Variants in EPHB2 observed in about 807,000 individuals in gnomAD.
EPHB2 encodes the protein EPH receptor B2.
Under a neutral mutation model 96.4 loss-of-function variants are expected in EPHB2, and 18 were observed. The ratio of observed to expected loss-of-function variants is 0.19; its 90% confidence interval spans 0.13 to 0.28. The LOEUF is 0.28. EPHB2 is among the 10% of genes least tolerant of loss of function. EPHB2 has a pLI of 1.00. For missense variants in EPHB2, 989 were observed against 1,355.4 expected, an observed-to-expected ratio of 0.73 and a Z score of 4.25; for synonymous variants, 506 against 534.1, an observed-to-expected ratio of 0.95 and a Z score of 0.72.
intron 13 of EPHB2, 66 bp from the exon 14 acceptor site, chr1:22,910,316 G>A: frequency 6.3e-7 from 1 of 1,599,284 alleles, no homozygotes; most frequent in Non-Finnish European, 8.6e-7. Context: ...GGTAAGATGG[G>A]CCTGGCAGAG....
intron 12 of EPHB2, 134 bp from the exon 13 acceptor site, chr1:22,908,888 T>G: frequency 7.2e-7 from 1 of 1,394,210 alleles, no homozygotes; most frequent in Non-Finnish European, 9.9e-7. Flanking sequence ...GGTCTGAAGC[T>G]GCATGGTAAG....
intron 1 of EPHB2, among the ~76,000 whole-genome samples, chr1:22,762,198 G>T (rs534493630): frequency 6.6e-6 from 1 of 152,182 alleles, no homozygotes; most frequent in Non-Finnish European, 1.5e-5. Context: ...GTCCCTGATG[G>T]CACCAGGGGC....
intron 1 of EPHB2, among the ~76,000 whole-genome samples, chr1:22,714,983 C>T (rs1213423836): frequency 1.3e-5 from 2 of 152,200 alleles, no homozygotes; most frequent in Admixed American, 6.5e-5. Flanking sequence ...ACTTGTTTGG[C>T]ATCTGCCTTG....
At chr1:22,730,725 C>T (rs927929618) in intron 1 of EPHB2, among the ~76,000 whole-genome samples, 15 of 151,506 alleles carry the variant, frequency 9.9e-5, no homozygotes, top group African/African-American at 3.4e-4. Flanking sequence ...GTGGCTGGAG[C>T]GGGAGGGCCA....
chr1:22,807,818 C>T (rs1421355476), intron 3 of EPHB2, among the ~76,000 whole-genome samples: 2 of 152,134 alleles, frequency 1.3e-5, no homozygotes, highest in African/African-American at 4.8e-5. Flanking sequence ...GTATTCTAGC[C>T]AAAGGCCAGG....
At chr1:22,851,148 C>G (rs907310228) in intron 3 of EPHB2, among the ~76,000 whole-genome samples, 1 of 152,146 alleles carries the variant, frequency 6.6e-6, no homozygotes, top group Non-Finnish European at 1.5e-5. Context: ...GCTTGTGCCA[C>G]CACGCCCAGC....
chr1:22,867,702 T>C (rs1570411697), intron 5 of EPHB2, among the ~76,000 whole-genome samples: 2 of 152,120 alleles, frequency 1.3e-5, no homozygotes, highest in East Asian at 3.9e-4. Context: ...TGAAACCCCA[T>C]CTCTACTAAA....
chr1:22,818,726 C>T (rs1645108137), intron 3 of EPHB2, among the ~76,000 whole-genome samples: 1 of 152,132 alleles, frequency 6.6e-6, no homozygotes, highest in Admixed American at 6.5e-5. Flanking sequence ...CCCTCCCCTG[C>T]ACCGTTCATC....
chr1:22,765,064 G>A (rs1335399599), intron 1 of EPHB2, among the ~76,000 whole-genome samples: 1 of 152,194 alleles, frequency 6.6e-6, no homozygotes, highest in Non-Finnish European at 1.5e-5. Context: ...AGCAGAGTGG[G>A]TGTCTGTCTG....
chr1:22,913,690 G>T lies in EPHB2; in HGVS notation c.*120G>T. On this transcript the variant is annotated 3_prime_UTR_variant, in exon 16 of 16. Transcript: ENST00000374630. The surrounding 1 kb of genome is among the most constrained non-coding windows in gnomAD (Gnocchi z 4.1). ...CACTCGCCAGGAGGCCACGGGCCAC[G>T]GGAAGAACCAAGCGGTGCCAGCCAC... 1 of 1,603,604 alleles carries T rather than the reference G, an allele frequency of 6.2e-7. No homozygotes were observed. Among genetic ancestry groups the T allele is most frequent in the East Asian group, 2.2e-5 (1 of 44,528 alleles).
chr1:22,833,317 A>C (rs1305776428), intron 3 of EPHB2, among the ~76,000 whole-genome samples: 1 of 151,914 alleles, frequency 6.6e-6, no homozygotes, highest in Non-Finnish European at 1.5e-5. Context: ...ACAGGGTTTC[A>C]CCATATTGGC....
chr1:22,760,542 C>T (rs1430882356), intron 1 of EPHB2, among the ~76,000 whole-genome samples: 1 of 152,216 alleles, frequency 6.6e-6, no homozygotes, highest in African/African-American at 2.4e-5. Context: ...AGCAGCTCTC[C>T]AACCTTCCCA....
At chr1:22,716,503 T>C (rs922892199) in intron 1 of EPHB2, among the ~76,000 whole-genome samples, 4 of 152,138 alleles carry the variant, frequency 2.6e-5, no homozygotes, top group African/African-American at 9.7e-5. Flanking sequence ...GGCTAATTTT[T>C]TTGCATTTTT....
chr1:22,900,353 T>C (rs759182687), intron 9 of EPHB2, among the ~76,000 whole-genome samples: 6 of 152,148 alleles, frequency 3.9e-5, no homozygotes, highest in Non-Finnish European at 7.4e-5. Context: ...CCCCAAGTAA[T>C]GAAATCGTGA....
chr1:22,905,012 G>A (rs1639864425), intron 9 of EPHB2, among the ~76,000 whole-genome samples: 1 of 152,332 alleles, frequency 6.6e-6, no homozygotes, highest in African/African-American at 2.4e-5. Context: ...TGCTGGAAGA[G>A]CCAGAGGAAA....
chr1:22,813,404 T>G (rs1425104024), intron 3 of EPHB2, among the ~76,000 whole-genome samples: 1 of 151,990 alleles, frequency 6.6e-6, no homozygotes, highest in Non-Finnish European at 1.5e-5. Flanking sequence ...TGGGGTGAAG[T>G]TGGGCATCTG....
At chr1:22,834,751 C>T (rs1359919943) in intron 3 of EPHB2, among the ~76,000 whole-genome samples, 1 of 151,926 alleles carries the variant, frequency 6.6e-6, no homozygotes, top group Non-Finnish European at 1.5e-5. Context: ...ATGGTGAAAG[C>T]CTGTCTCTAC....
intron 3 of EPHB2, among the ~76,000 whole-genome samples, chr1:22,854,573 C>CT (rs1220980537): frequency 2.0e-5 from 3 of 152,208 alleles, no homozygotes; most frequent in African/African-American, 7.2e-5. Context: ...CCCTAAGTCT[C>CT]TATGTGATTT....
intron 1 of EPHB2, among the ~76,000 whole-genome samples, chr1:22,741,417 T>C (rs1311762175): frequency 6.6e-6 from 1 of 151,998 alleles, no homozygotes; most frequent in East Asian, 1.9e-4. Flanking sequence ...CGCCCCCTAG[T>C]CTCCCTCTTA....
Sources: allele counts gnomAD v4.1 joint callset (sites outside exome capture counted in the v4.1 genomes callset), GRCh38; gene constraint gnomAD v4.1.1; non-coding constraint Gnocchi (gnomAD v3.1); transcripts MANE v1.5; gene names NCBI Gene and HGNC (gene_info 2026-07-23, HGNC 2026-07-21).